The following FBXL13 variants were observed in gnomAD, a reference collection of about 807,000 sequenced individuals.
FBXL13 encodes F-box and leucine-rich repeat protein 13.
FBXL13 carries 67 observed loss-of-function variants against 83.6 expected under a neutral mutation model. That is an observed-to-expected ratio of 0.80 (90% CI 0.66 to 0.98). The LOEUF is 0.98. Among genes scored for constraint, FBXL13 ranks in the 50% least tolerant of loss-of-function variants. FBXL13 has a pLI of 0.00. For synonymous variants in FBXL13, 272 were observed against 299.5 expected, an observed-to-expected ratio of 0.91 and a Z score of 0.95; for missense variants, 822 against 866.5, an observed-to-expected ratio of 0.95 and a Z score of 0.64.
At chr7:102,826,724 C>CATATATATATATATATATAT (rs58307950) in intron 18 of FBXL13, among the ~76,000 whole-genome samples, 1 of 62,730 alleles carries the variant, frequency 1.6e-5, no homozygotes, top group Non-Finnish European at 3.8e-5. Flanking sequence ...GACCCTGTCT[C>CATATATATATATATATATAT]ATATATATAT....
intron 6 of FBXL13, among the ~76,000 whole-genome samples, chr7:102,980,704 G>A (rs941986107): frequency 1.3e-5 from 2 of 151,908 alleles, no homozygotes; most frequent in African/African-American, 4.8e-5. Flanking sequence ...GTGAACCTGG[G>A]AGCCAGAGCT....
intron 8 of FBXL13, among the ~76,000 whole-genome samples, chr7:102,955,226 G>A (rs968184278): frequency 5.3e-5 from 8 of 151,602 alleles, no homozygotes; most frequent in African/African-American, 1.7e-4. Flanking sequence ...TTAGAACTCA[G>A]GATTAACAAA....
chr7:102,906,183 C>T (rs567083922), intron 11 of FBXL13, among the ~76,000 whole-genome samples: 7 of 152,144 alleles, frequency 4.6e-5, no homozygotes, highest in Non-Finnish European at 8.8e-5. Context: ...CAATTACCTC[C>T]CACAACACAT....
intron 16 of FBXL13, among the ~76,000 whole-genome samples, chr7:102,869,109 A>C (rs1233701878): frequency 6.6e-6 from 1 of 152,216 alleles, no homozygotes. Flanking sequence ...AGTCTATAAG[A>C]GTTCCCCTTT....
At chr7:102,973,338 G>C (rs878929134) in intron 6 of FBXL13, 14 of 620,136 alleles carry the variant, frequency 2.3e-5, no homozygotes, top group South Asian at 1.4e-4. Flanking sequence ...AGCAGGAAGA[G>C]AGCCGGCCAG....
At chr7:102,816,712 G>A (rs1357810261) in intron 19 of FBXL13, among the ~76,000 whole-genome samples, 2 of 152,198 alleles carry the variant, frequency 1.3e-5, no homozygotes, top group African/African-American at 2.4e-5. Context: ...GAACCCATCA[G>A]CCAAATAGTG....
intron 8 of FBXL13, among the ~76,000 whole-genome samples, chr7:102,956,346 A>G (rs1384139265): frequency 1.3e-5 from 2 of 151,878 alleles, no homozygotes; most frequent in Admixed American, 1.3e-4. Context: ...CTTCATGCTA[A>G]AAACTCTCAA....
rs867147246 is a variant in FBXL13, at chr7:103,022,760, C to A, written c.495+2303G>T. On this transcript the variant is annotated intron_variant, in intron 6 of 19. Coordinates refer to ENST00000313221, the Ensembl canonical transcript of FBXL13. The stretch of plus-strand genomic sequence containing the variant: ...AGGAAATACCATTCTGGGCATAGAA[C>A]TTGGCAAAAATTTCATTATGAAGAT... Among the ~76,000 whole-genome samples, 4 of 152,154 alleles carry A rather than the reference C, an allele frequency of 2.6e-5. No homozygotes were observed. In the South Asian group the frequency reaches 8.3e-4, roughly 31 times the overall value.
chr7:102,822,125 G>C (rs763513724), exon 19 of FBXL13: 1 of 1,614,222 alleles, frequency 6.2e-7, no homozygotes, highest in South Asian at 1.1e-5. Flanking sequence ...TGGTCAGTAA[G>C]CAAGACACAA....
chr7:103,054,109 G>C (rs1024656606), intron 2 of FBXL13, among the ~76,000 whole-genome samples: 1 of 150,542 alleles, frequency 6.6e-6, no homozygotes, highest in East Asian at 1.9e-4. Context: ...GAGATATCAT[G>C]CACGGGCCAA....
At chr7:102,994,175 TATATAA>T (rs1327892834) in intron 6 of FBXL13, among the ~76,000 whole-genome samples, 1 of 152,196 alleles carries the variant, frequency 6.6e-6, no homozygotes, top group Non-Finnish European at 1.5e-5. Flanking sequence ...TATATGCTAT[TATATAA>T]ATCTACTCTT....
chr7:103,029,145 G>A (rs1006804688), intron 3 of FBXL13, among the ~76,000 whole-genome samples: 35 of 151,864 alleles, frequency 2.3e-4, no homozygotes, highest in Admixed American at 2.3e-3. Context: ...TTTAAGAAAA[G>A]ATAATTATAC....
At chr7:102,922,910 GGAGCTTGCAGT>G (rs1563095946) in intron 10 of FBXL13, among the ~76,000 whole-genome samples, 1 of 152,070 alleles carries the variant, frequency 6.6e-6, no homozygotes, top group Non-Finnish European at 1.5e-5. Flanking sequence ...CCCGGGAGGC[GGAGCTTGCAGT>G]GAGCTGAGAT....
At chr7:102,998,270 A>G (rs1790024534) in intron 6 of FBXL13, among the ~76,000 whole-genome samples, 1 of 152,090 alleles carries the variant, frequency 6.6e-6, no homozygotes, top group Non-Finnish European at 1.5e-5. Flanking sequence ...CTTTGCTATT[A>G]AGTTCCTTAT....
chr7:103,052,681 C>T (rs1408994571), intron 2 of FBXL13, among the ~76,000 whole-genome samples: 1 of 151,900 alleles, frequency 6.6e-6, no homozygotes, highest in Non-Finnish European at 1.5e-5. Flanking sequence ...TGTCATAACT[C>T]TAAGTTTGGA....
At position 103,055,259 on chromosome 7, in the gene FBXL13, G is replaced by A. The variant is rs1042924799; in HGVS notation, c.-1+385C>T. On this transcript the variant is annotated intron_variant, in intron 2 of 19. Transcript: ENST00000313221. ...GTAATTAAATCAGTGATTCTTGTAG[G>A]TGGAATGAAAGGGAGGAGAAGGAAA... is the stretch of plus-strand genomic sequence containing the variant. The A allele has an allele frequency of 6.6e-6, 5 of 759,904 alleles. 1 individual carries two copies. Among genetic ancestry groups the A allele is most frequent in the South Asian group, 6.5e-5 (4 of 61,318 alleles). The allele number at this position is 759,904 out of a possible 1,614,324, so 47.1% of individuals were successfully genotyped here.
chr7:102,910,706 G>A (rs1047771936), intron 11 of FBXL13, among the ~76,000 whole-genome samples: 1 of 152,090 alleles, frequency 6.6e-6, no homozygotes, highest in East Asian at 1.9e-4. Flanking sequence ...ACCCATAAGG[G>A]TGACAGCCAA....
chr7:102,867,810 C>T (rs1807968252), intron 16 of FBXL13, among the ~76,000 whole-genome samples: 1 of 146,170 alleles, frequency 6.8e-6, no homozygotes, highest in Non-Finnish European at 1.5e-5. Context: ...TCATGCCATT[C>T]TCCTGCCTCA....
chr7:102,928,630 A>G (rs1231721894), intron 9 of FBXL13, among the ~76,000 whole-genome samples: 1 of 152,220 alleles, frequency 6.6e-6, no homozygotes, highest in East Asian at 1.9e-4. Flanking sequence ...AGAATATGAT[A>G]TCTTACTCAA....
Sources: allele counts gnomAD v4.1 joint callset (sites outside exome capture counted in the v4.1 genomes callset), GRCh38; gene constraint gnomAD v4.1.1; transcripts MANE v1.5; gene names NCBI Gene and HGNC (gene_info 2026-07-23, HGNC 2026-07-21).